DDX27: variants seen among roughly 807,000 people sequenced by gnomAD.
DDX27 encodes probable ATP-dependent RNA helicase DDX27.
A neutral mutation model predicts 99.3 loss-of-function variants in DDX27; 42 were observed. That is an observed-to-expected ratio of 0.42 (90% CI 0.33 to 0.55). The LOEUF (loss-of-function observed/expected upper bound fraction) is 0.55. Among genes scored for constraint, DDX27 ranks in the 20% least tolerant of loss-of-function variants. DDX27 has a pLI of 0.07. For missense variants in DDX27, 798 were observed against 976.8 expected, an observed-to-expected ratio of 0.82 and a Z score of 2.44; for synonymous variants, 329 against 353.8, an observed-to-expected ratio of 0.93 and a Z score of 0.79.
intron 16 of DDX27, chr20:49,241,678 A>C: frequency 3.3e-6 from 2 of 613,602 alleles, no homozygotes; most frequent in Non-Finnish European, 5.8e-6. Flanking sequence ...CATGTTGGCC[A>C]TGCTGATCCC....
intron 19 of DDX27, 64 bp downstream of exon 19, chr20:49,242,745 C>T (rs1215189612): frequency 5.4e-5 from 73 of 1,342,338 alleles, no homozygotes; most frequent in Non-Finnish European, 5.7e-5. Flanking sequence ...TTTTTTGAGA[C>T]GGAGTCTCGC....
Position 49,224,959 on chromosome 20 carries a change from A to G in DDX27, c.481A>G (p.Lys161Glu). Residue 161 changes from lysine to glutamate, a missense_variant, in exon 5 of 21, where the codon AAG (lysine) becomes GAG (glutamate). Physicochemically the swap from Lys to Glu is moderately conservative, Grantham distance 56 (BLOSUM62 1). Coordinates refer to ENST00000618172, the MANE Select transcript of DDX27 (RefSeq NM_017895.8). ...ILTKADTLKV[K>E]DRKKKKKKGQ... ...TTTCTCCATAGATACACTCAAAGTAAAGGATCGGAAGAAGAAGAAGAAGAA... is the reference window on the plus strand; with the variant it reads ...TTTCTCCATAGATACACTCAAAGTAGAGGATCGGAAGAAGAAGAAGAAGAA... 6.2e-7 allele frequency: 1 copy of G among 1,614,170 alleles called. No individual in the cohort carries two copies. The highest frequency in any genetic ancestry group is 1.7e-5 in the Admixed American group (1 of 60,022).
At chr20:49,219,754 C>T (rs546002131) in intron 1 of DDX27, among the ~76,000 whole-genome samples, 1 of 152,292 alleles carries the variant, frequency 6.6e-6, no homozygotes, top group Admixed American at 6.5e-5. Context: ...TCCCTGTCTC[C>T]TTGCTGAACT....
rs1979828087 is a variant in DDX27 at position 49,225,003 on chromosome 20, G to A, written c.513+12G>A. ...AGAAGAAAGGACAGGTGAGCTTGGG[G>A]CTGCAAGACAGTATGCAGCTTGTTG... is the stretch of plus-strand genomic sequence containing the variant. On this transcript the variant is annotated intron_variant, in intron 5 of 20. Coordinates refer to ENST00000618172, the MANE Select transcript of DDX27 (RefSeq NM_017895.8). 9 of 1,614,032 alleles carry A rather than the reference G, an allele frequency of 5.6e-6. No individual in the cohort carries two copies. In the South Asian group the frequency reaches 7.7e-5, roughly 14 times the overall value.
intron 1 of DDX27, among the ~76,000 whole-genome samples, chr20:49,220,752 GGT>G (rs1403259892): frequency 6.6e-6 from 1 of 151,636 alleles, no homozygotes; most frequent in African/African-American, 2.4e-5. Flanking sequence ...CATGATGCGG[GGT>G]GTGTTTGTCA....
intron 6 of DDX27, 74 bp downstream of exon 6, chr20:49,225,273 C>G: frequency 7.9e-7 from 1 of 1,258,304 alleles, no homozygotes. Context: ...GTCTCAAATT[C>G]CTGGCATCAA....
At chr20:49,225,457 T>TG (rs1979850017) in intron 6 of DDX27, among the ~76,000 whole-genome samples, 1 of 145,048 alleles carries the variant, frequency 6.9e-6, no homozygotes, top group Non-Finnish European at 1.5e-5. Flanking sequence ...AACTCCCTTT[T>TG]TTTTTTTTTT....
chr20:49,226,610 G>T, intron 7 of DDX27, 75 bp downstream of exon 7: 1 of 944,588 alleles, frequency 1.1e-6, no homozygotes. Context: ...ACTTACCAAA[G>T]GCTGGTTTGC....
At chr20:49,232,924 CAA>C (rs567304526) in intron 9 of DDX27, 525 of 117,594 alleles carry the variant, frequency 4.5e-3, no homozygotes, top group South Asian at 0.018. Flanking sequence ...AACTCCATCT[CAA>C]AAAAAAAAAA....
At chr20:49,224,826 T>C in intron 4 of DDX27, 119 bp from the exon 5 acceptor site, 1 of 1,071,456 alleles carries the variant, frequency 9.3e-7, no homozygotes, top group East Asian at 2.4e-5. Flanking sequence ...TGAAACAAGG[T>C]TGACGATGGT....
chr20:49,239,463 C>T (rs1267984607), intron 16 of DDX27, 125 bp downstream of exon 16: 18 of 683,184 alleles, frequency 2.6e-5, no homozygotes, highest in African/African-American at 9.0e-5. Context: ...GGACCAGTAT[C>T]GTGGAAGACA....
chr20:49,241,848 A>T (rs1295843545), intron 16 of DDX27, 45 bp from the exon 17 acceptor site: 1 of 1,596,232 alleles, frequency 6.3e-7, no homozygotes. Context: ...AGCTTAAAAA[A>T]AGATAAAATC....
At chr20:49,226,901 C>T (rs1381057849) in intron 7 of DDX27, among the ~76,000 whole-genome samples, 6 of 115,670 alleles carry the variant, frequency 5.2e-5, no homozygotes, top group East Asian at 2.6e-4. Flanking sequence ...CTCGCTCTGT[C>T]GCCCAGGCTG....
intron 19 of DDX27, 104 bp from the exon 20 acceptor site, chr20:49,243,525 C>T (rs1473754736): frequency 1.4e-5 from 14 of 982,362 alleles, no homozygotes; most frequent in South Asian, 1.3e-4. Flanking sequence ...ATGATGCATC[C>T]CAGAGATGCT....
intron 9 of DDX27, among the ~76,000 whole-genome samples, chr20:49,231,677 C>T (rs238172): frequency 0.67 from 102,436 of 151,890 alleles, 35,337 homozygotes; most frequent in Non-Finnish European, 0.76. Flanking sequence ...TTTACAGTGG[C>T]GTGATCTGGC....
At chr20:49,225,530 A>G (rs1364497451) in intron 6 of DDX27, among the ~76,000 whole-genome samples, 2 of 136,884 alleles carry the variant, frequency 1.5e-5, no homozygotes, top group African/African-American at 2.8e-5. Context: ...ATCTCGGCTC[A>G]CTGCAACCTC....
At position 49,233,607 on chromosome 20, in the gene DDX27, C is replaced by T. The variant is rs753600780; in HGVS notation, c.1171C>T (p.Arg391Trp). ...LASVSLKNPV[R>W]IFVNSNTDVA... ...TTCTGTCTCCTTGAAGAATCCTGTC[C>T]GGATATTTGTGAACAGCAACACAGA... The change falls in exon 11 of 21, where the codon CGG becomes TGG. Residue 391 changes from arginine (R) to tryptophan (W), a missense_variant. Physicochemically the swap from Arg to Trp is moderately radical, Grantham distance 101. Around this residue, in one of 2 missense-constraint regions of DDX27, gnomAD observed 553 missense variants for 727.9 expected, o/e 0.76. Transcript: ENST00000618172. The T allele has an allele frequency of 8.1e-6, 13 of 1,613,894 alleles. No homozygotes were observed. The highest frequency in any genetic ancestry group is 3.3e-5 in the Admixed American group (2 of 59,996).
chr20:49,232,248 G>A (rs1357623606), intron 9 of DDX27, among the ~76,000 whole-genome samples: 1 of 152,122 alleles, frequency 6.6e-6, no homozygotes, highest in African/African-American at 2.4e-5. Flanking sequence ...GGCTGAGGGG[G>A]CTTTTCTAGA....
Position 49,236,645 on chromosome 20 carries a change from AC to A in DDX27, c.1687+137del. On this transcript the variant is annotated intron_variant, in intron 14 of 20. Transcript: ENST00000618172. The surrounding 1 kb of genome is among the most constrained non-coding windows in gnomAD (Gnocchi z 4.1). ...AGCCCTGCTGCTTCCTTGCCGAGTGACCATGTGCAGGTTTCACCTCACCTCT... is the reference window on the plus strand; with the variant it reads ...AGCCCTGCTGCTTCCTTGCCGAGTGACATGTGCAGGTTTCACCTCACCTCT... 2 of 896,710 alleles carry A rather than the reference AC, an allele frequency of 2.2e-6. No homozygotes were observed. Among genetic ancestry groups the A allele is most frequent in the Non-Finnish European group, 3.1e-6 (2 of 649,014 alleles). 55.5% of individuals were successfully genotyped at this position (896,710 alleles called of 1,614,324 possible). A position where few individuals can be genotyped will look rare whatever the true frequency, so the allele number is the denominator to read the frequency against.
Sources: allele counts gnomAD v4.1 joint callset (sites outside exome capture counted in the v4.1 genomes callset), GRCh38; gene constraint gnomAD v4.1.1; regional missense constraint gnomAD v4.1.1; non-coding constraint Gnocchi (gnomAD v3.1); transcripts MANE v1.5; gene names NCBI Gene and HGNC (gene_info 2026-07-23, HGNC 2026-07-21).